SPTB: variants seen among roughly 807,000 people sequenced by gnomAD.
The protein encoded by SPTB is spectrin beta, erythrocytic.
In SPTB, 45 loss-of-function variants were observed where a neutral mutation model predicts 256.2. That is an observed-to-expected ratio of 0.18 (90% CI 0.14 to 0.23). SPTB has a LOEUF of 0.23. SPTB is among the 10% of genes least tolerant of loss of function. The probability of loss-of-function intolerance (pLI) is 1.00; values close to 1 mark genes in which losing one functional copy is unlikely to be tolerated. For missense variants in SPTB, 2,715 were observed against 3,040.4 expected (o/e 0.89, Z 2.52); for synonymous variants, 1,231 against 1,243.1 (o/e 0.99, Z 0.21).
Position 64,769,720 on chromosome 14 carries a change from G to C in SPTB, c.5807C>G (p.Ser1936Cys), listed in dbSNP as rs2082249439. 1 of 1,614,178 alleles carries C rather than the reference G, an allele frequency of 6.2e-7. No homozygotes were observed. The highest frequency in any genetic ancestry group is 8.5e-7 in the Non-Finnish European group (1 of 1,180,028). Reference protein sequence around the residue: ...IETQERPRDVSSVELLMKYHQ... With the variant: ...IETQERPRDVCSVELLMKYHQ... ...ATACTTCATGAGCAGTTCCACAGAG[G>C]AGACATCCCTGGGGGACAGGAGGAC... Residue 1936 changes from serine to cysteine, a missense_variant, in exon 28 of 36, where the codon TCC becomes TGC. Physicochemically the swap from Ser to Cys is moderately radical, Grantham distance 112. Transcript: ENST00000644917.
chr14:64,866,978 G>T lies in SPTB; in HGVS notation c.-52+12814C>A, dbSNP rs1197665017. Among the ~76,000 whole-genome samples, 1 of 152,160 alleles carries T rather than the reference G, an allele frequency of 6.6e-6. No individual in the cohort carries two copies. Among genetic ancestry groups the T allele is most frequent in the Non-Finnish European group, 1.5e-5 (1 of 68,026 alleles). On this transcript the variant is annotated intron_variant, in intron 1 of 35. Transcript: ENST00000644917. This position sits in a 1 kb window ranked among gnomAD's most constrained non-coding sequence, Gnocchi z 4.6. ...AGCCTTTCATAGCTGCATTCTGAGGGTCAGCTTCAAACATTCACTGAAAAA... is the reference window on the plus strand; with the variant it reads ...AGCCTTTCATAGCTGCATTCTGAGGTTCAGCTTCAAACATTCACTGAAAAA...
At chr14:64,808,574 G>A (rs1222543984) in intron 2 of SPTB, among the ~76,000 whole-genome samples, 4 of 152,094 alleles carry the variant, frequency 2.6e-5, no homozygotes, top group Non-Finnish European at 5.9e-5. Context: ...GAGAAAGCTT[G>A]CCATCATGTG....
At position 64,785,513 on chromosome 14, in the gene SPTB, A is replaced by G; in HGVS notation, c.3855+24T>C. On this transcript the variant is annotated intron_variant, in intron 18 of 35. Transcript: ENST00000644917. This position sits in a 1 kb window ranked among gnomAD's most constrained non-coding sequence, Gnocchi z 4.4. ...TCTAGAAAGGAATCTCCAGGAAAGC[A>G]GCCACTCCTTGCTGGAGCCTCACCT... 6.3e-7 allele frequency: 1 copy of G among 1,598,074 alleles called. No homozygotes were observed. Among genetic ancestry groups the G allele is most frequent in the African/African-American group, 1.3e-5 (1 of 74,884 alleles).
At chr14:64,872,948 A>G (rs993666443) in intron 1 of SPTB, among the ~76,000 whole-genome samples, 2 of 152,104 alleles carry the variant, frequency 1.3e-5, no homozygotes, top group Non-Finnish European at 2.9e-5. Context: ...ACTGTGATTC[A>G]ATTAAACCTC....
chr14:64,784,204 A>G (rs2082520975), intron 19 of SPTB, 43 bp downstream of exon 19: 2 of 1,613,340 alleles, frequency 1.2e-6, no homozygotes, highest in Non-Finnish European at 8.5e-7. Context: ...AGGCAAGCCT[A>G]TCTGAGCAGA....
Position 64,845,312 on chromosome 14 carries a change from C to T in SPTB, c.-51-22167G>A, listed in dbSNP as rs1178649715. ...CAAAAGATTGGTAGTTCTGTGTGTG[C>T]CCATTGGTACAAACATTATAAACAC... On this transcript the variant is annotated intron_variant, in intron 1 of 35. Coordinates refer to ENST00000644917, the MANE Select transcript of SPTB (RefSeq NM_001355436.2). The surrounding 1 kb of genome is among the most constrained non-coding windows in gnomAD (Gnocchi z 4.8). 6.6e-6 allele frequency among the ~76,000 whole-genome samples: 1 copy of T among 152,186 alleles called. No homozygotes were observed. The highest frequency in any genetic ancestry group is 1.5e-5 in the Non-Finnish European group (1 of 68,034).
At chr14:64,849,431 T>C (rs1416118193) in intron 1 of SPTB, among the ~76,000 whole-genome samples, 6 of 152,248 alleles carry the variant, frequency 3.9e-5, no homozygotes, top group Non-Finnish European at 7.3e-5. Context: ...GCAATGTTTA[T>C]ATTAACCTAG....
In SPTB at chr14:64,795,200, G is replaced by T; in HGVS notation, c.1644+137C>A. ...AGAGGCAGGTGCAGCTAGACACTTT[G>T]CTGCCTCAGTTTCTCTATTTTGACT... On this transcript the variant is annotated intron_variant, in intron 12 of 35. Coordinates refer to ENST00000644917, the MANE Select transcript of SPTB (RefSeq NM_001355436.2). This position sits in a 1 kb window ranked among gnomAD's most constrained non-coding sequence, Gnocchi z 6.5. 1 of 1,023,682 alleles carries T rather than the reference G, an allele frequency of 9.8e-7. No individual in the cohort carries two copies. Among genetic ancestry groups the T allele is most frequent in the Non-Finnish European group, 1.4e-6 (1 of 707,912 alleles). 63.4% of individuals were successfully genotyped at this position (1,023,682 alleles called of 1,614,324 possible). A position where few individuals can be genotyped will look rare whatever the true frequency, so the allele number is the denominator to read the frequency against.
intron 2 of SPTB, among the ~76,000 whole-genome samples, chr14:64,819,520 C>T (rs1397813325): frequency 6.6e-6 from 1 of 151,784 alleles, no homozygotes; most frequent in Non-Finnish European, 1.5e-5. Flanking sequence ...CAGCCAGGGT[C>T]GTGGACTGGA....
At chr14:64,837,846 T>A (rs980804905) in intron 1 of SPTB, among the ~76,000 whole-genome samples, 1 of 151,482 alleles carries the variant, frequency 6.6e-6, no homozygotes. Context: ...GGATCACCTC[T>A]GGTGATCCAC....
intron 1 of SPTB, among the ~76,000 whole-genome samples, chr14:64,869,651 T>TCAA (rs1882411727): frequency 6.8e-6 from 1 of 146,886 alleles, no homozygotes; most frequent in South Asian, 2.2e-4. Context: ...AGACAGGGTC[T>TCAA]CAATCTGTCA....
chr14:64,768,362 A>T (rs751577982), intron 29 of SPTB: 10 of 201,894 alleles, frequency 5.0e-5, no homozygotes, highest in Admixed American at 1.6e-4. Context: ...TTTTTAAGCT[A>T]TATTTTTCAC....
chr14:64,822,627 G>A (rs190940243), intron 2 of SPTB, among the ~76,000 whole-genome samples: 1 of 152,176 alleles, frequency 6.6e-6, no homozygotes, highest in Non-Finnish European at 1.5e-5. Context: ...CCTGCGCCCG[G>A]CTGTCCAGCC....
At chr14:64,767,909 A>G (rs1396793469) in intron 29 of SPTB, 50 bp from the exon 30 acceptor site, 1 of 1,600,822 alleles carries the variant, frequency 6.2e-7, no homozygotes, top group East Asian at 2.2e-5. Context: ...AGGGCCTGTT[A>G]GCACCCAATC....
At chr14:64,770,563 T>C (rs1435578726) in intron 27 of SPTB, among the ~76,000 whole-genome samples, 1 of 152,214 alleles carries the variant, frequency 6.6e-6, no homozygotes, top group Non-Finnish European at 1.5e-5. Context: ...GTCTTAGACC[T>C]GCCCAGCTTT....
chr14:64,823,191 G>T lies in SPTB; in HGVS notation c.-51-46C>A. The T allele has an allele frequency of 6.7e-7, 1 of 1,484,634 alleles. No individual in the cohort carries two copies. The highest frequency in any genetic ancestry group is 9.4e-7 in the Non-Finnish European group (1 of 1,067,522). The allele number at this position is 1,484,634 out of a possible 1,614,324, so 92.0% of individuals were successfully genotyped here. On this transcript the variant is annotated intron_variant, in intron 1 of 35. Transcript: ENST00000644917. This position sits in a 1 kb window ranked among gnomAD's most constrained non-coding sequence, Gnocchi z 6.5. ...CAGAGGGTTATCTCTCTACCCCCTC[G>T]GACTTTTTCTCCGGGGAAACTTATT...
chr14:64,874,472 C>G (rs1026129882), intron 1 of SPTB, among the ~76,000 whole-genome samples: 14 of 152,212 alleles, frequency 9.2e-5, no homozygotes, highest in African/African-American at 3.4e-4. Context: ...CCTCAATTCT[C>G]TCTCGGGCCT....
In SPTB at chr14:64,786,171, A is replaced by G. The variant is rs1594774397; in HGVS notation, c.3562-220T>C. Among the ~76,000 whole-genome samples the G allele has an allele frequency of 6.6e-6, 1 of 152,194 alleles. No individual in the cohort carries two copies. Among genetic ancestry groups the G allele is most frequent in the African/African-American group, 2.4e-5 (1 of 41,524 alleles). ...CCTAAAGCCACATGGAAGGCTAACC[A>G]CCCAGGGCAAAATGCGCTTCTCTAG... On this transcript the variant is annotated intron_variant, in intron 16 of 35. Coordinates refer to ENST00000644917, the MANE Select transcript of SPTB (RefSeq NM_001355436.2). The surrounding 1 kb of genome is among the most constrained non-coding windows in gnomAD (Gnocchi z 5.6).
At position 64,849,908 on chromosome 14, in the gene SPTB, A is replaced by G. The variant is rs537210072; in HGVS notation, c.-51-26763T>C. Among the ~76,000 whole-genome samples the G allele has an allele frequency of 3.3e-5, 5 of 152,298 alleles. No homozygotes were observed. In the South Asian group the frequency reaches 1.0e-3, roughly 32 times the overall value. On this transcript the variant is annotated intron_variant, in intron 1 of 35. Coordinates refer to ENST00000644917, the MANE Select transcript of SPTB (RefSeq NM_001355436.2). ...CGCATGGGCTGTACTCTTCAAAGACAAAGTTCAACATATCCTGGGGCCTTT... is the reference window on the plus strand; with the variant it reads ...CGCATGGGCTGTACTCTTCAAAGACGAAGTTCAACATATCCTGGGGCCTTT...
Sources: allele counts gnomAD v4.1 joint callset (sites outside exome capture counted in the v4.1 genomes callset), GRCh38; gene constraint gnomAD v4.1.1; non-coding constraint Gnocchi (gnomAD v3.1); transcripts MANE v1.5; gene names NCBI Gene and HGNC (gene_info 2026-07-23, HGNC 2026-07-21).